The following RIMS2 variants were observed in gnomAD, a reference collection of about 807,000 sequenced individuals.
RIMS2 encodes the protein regulating synaptic membrane exocytosis 2, also known as regulating synaptic membrane exocytosis protein 2.
In RIMS2, 59 loss-of-function variants were observed where a neutral mutation model predicts 174.4. The observed-to-expected ratio is 0.34, with a 90% CI of 0.27 to 0.42. The LOEUF (loss-of-function observed/expected upper bound fraction) is 0.42, where lower values mean the gene tolerates loss of function less well. Among genes scored for constraint, RIMS2 ranks in the 10% least tolerant of loss-of-function variants. RIMS2 has a pLI of 1.00. For missense variants in RIMS2, 1,620 were observed against 1,666.3 expected (o/e 0.97, Z 0.48); for synonymous variants, 606 against 572.5 (o/e 1.06, Z -0.84).
intron 19 of RIMS2, among the ~76,000 whole-genome samples, chr8:104,039,864 CTAGGGGT>C (rs1469379464): frequency 1.3e-5 from 2 of 151,292 alleles, no homozygotes; most frequent in African/African-American, 4.8e-5. Flanking sequence ...GATTTTTTTT[CTAGGGGT>C]TAATCCTGTT....
At chr8:104,116,544 C>G (rs1353394597) in intron 19 of RIMS2, among the ~76,000 whole-genome samples, 1 of 151,930 alleles carries the variant, frequency 6.6e-6, no homozygotes, top group Non-Finnish European at 1.5e-5. Context: ...TTAATAAAAG[C>G]AACTCTTTAA....
chr8:104,099,339 G>A (rs2097824917), intron 19 of RIMS2, among the ~76,000 whole-genome samples: 1 of 152,132 alleles, frequency 6.6e-6, no homozygotes, highest in Non-Finnish European at 1.5e-5. Context: ...CCTCCACCAA[G>A]TATTACCTGT....
At chr8:103,715,025 T>G (rs560694569) in intron 2 of RIMS2, among the ~76,000 whole-genome samples, 1 of 152,294 alleles carries the variant, frequency 6.6e-6, no homozygotes, top group South Asian at 2.1e-4. Context: ...AATTATGACC[T>G]AAAATAATTA....
intron 1 of RIMS2, among the ~76,000 whole-genome samples, chr8:103,602,757 A>G (rs544265276): frequency 1.3e-5 from 2 of 152,300 alleles, no homozygotes; most frequent in East Asian, 1.9e-4. Context: ...TAGTGCTGCA[A>G]TGACCATACA....
At chr8:104,119,787 C>T (rs1241619644) in intron 19 of RIMS2, among the ~76,000 whole-genome samples, 1 of 152,206 alleles carries the variant, frequency 6.6e-6, no homozygotes, top group East Asian at 1.9e-4. Context: ...CATATTGCTG[C>T]AGTCTCACTC....
intron 15 of RIMS2, among the ~76,000 whole-genome samples, chr8:103,963,245 C>T (rs750098565): frequency 7.2e-5 from 11 of 151,988 alleles, no homozygotes; most frequent in Non-Finnish European, 2.9e-5. Context: ...GCAATGTATA[C>T]ATATACAAAA....
At chr8:103,504,296 A>G (rs1174286406) in intron 1 of RIMS2, among the ~76,000 whole-genome samples, 1 of 152,110 alleles carries the variant, frequency 6.6e-6, no homozygotes, top group East Asian at 1.9e-4. Flanking sequence ...GTTTTGCAGC[A>G]TCCTTAACAC....
intron 17 of RIMS2, among the ~76,000 whole-genome samples, chr8:103,994,090 C>T (rs1318652070): frequency 2.0e-5 from 3 of 150,074 alleles, no homozygotes; most frequent in Non-Finnish European, 4.4e-5. Context: ...AATGTTTTTG[C>T]ATTAAGTAAG....
At chr8:103,920,948 G>C (rs2077522246) in intron 9 of RIMS2, 1 of 302,502 alleles carries the variant, frequency 3.3e-6, no homozygotes, top group Non-Finnish European at 6.4e-6. Context: ...GCAGTGAGCC[G>C]AGATCACGCC....
At chr8:103,910,951 G>A (rs1565258371) in intron 5 of RIMS2, among the ~76,000 whole-genome samples, 1 of 152,114 alleles carries the variant, frequency 6.6e-6, no homozygotes, top group South Asian at 2.1e-4. Flanking sequence ...GGAGATAATT[G>A]GGTCTGTTTG....
chr8:103,529,900 G>C (rs1219774354), intron 1 of RIMS2, among the ~76,000 whole-genome samples: 2 of 152,074 alleles, frequency 1.3e-5, no homozygotes, highest in Non-Finnish European at 2.9e-5. Flanking sequence ...TCTGTGGTTG[G>C]TTGAATCTGT....
At chr8:103,595,665 T>A (rs2094453963) in intron 1 of RIMS2, among the ~76,000 whole-genome samples, 1 of 151,894 alleles carries the variant, frequency 6.6e-6, no homozygotes, top group African/African-American at 2.4e-5. Context: ...TAAGAAGATA[T>A]AATTTTCTGT....
At chr8:104,135,812 AG>A (rs1369444448) in intron 19 of RIMS2, among the ~76,000 whole-genome samples, 1 of 152,034 alleles carries the variant, frequency 6.6e-6, no homozygotes, top group Admixed American at 6.6e-5. Context: ...ATGAAGAGGA[AG>A]GGGCTGATAC....
intron 19 of RIMS2, among the ~76,000 whole-genome samples, chr8:104,150,256 G>C (rs1421384956): frequency 2.6e-5 from 4 of 152,074 alleles, no homozygotes; most frequent in Non-Finnish European, 4.4e-5. Flanking sequence ...AAGACTACAA[G>C]TTAGAAAATA....
chr8:103,796,808 G>A (rs1657953384), intron 3 of RIMS2, among the ~76,000 whole-genome samples: 1 of 152,204 alleles, frequency 6.6e-6, no homozygotes, highest in Admixed American at 6.6e-5. Context: ...TGTTGGATAA[G>A]AGTGTAGCTT....
At chr8:104,230,162 C>T (rs976136210) in intron 19 of RIMS2, among the ~76,000 whole-genome samples, 1 of 151,592 alleles carries the variant, frequency 6.6e-6, no homozygotes, top group African/African-American at 2.4e-5. Context: ...GCATGTAATC[C>T]CAGCTACTCA....
chr8:103,935,764 T>C (rs937029557), intron 12 of RIMS2, among the ~76,000 whole-genome samples: 4 of 152,230 alleles, frequency 2.6e-5, no homozygotes, highest in Non-Finnish European at 5.9e-5. Context: ...CCTTTCATGG[T>C]CAGGAAGAAA....
At chr8:104,234,043 T>C (rs1389605488) in intron 19 of RIMS2, among the ~76,000 whole-genome samples, 1 of 152,192 alleles carries the variant, frequency 6.6e-6, no homozygotes, top group African/African-American at 2.4e-5. Context: ...AGATTTATGA[T>C]AATTTCATAT....
intron 1 of RIMS2, chr8:103,652,626 G>C: frequency 5.9e-6 from 8 of 1,344,756 alleles, no homozygotes; most frequent in Non-Finnish European, 7.9e-6. Flanking sequence ...TTAAACAGGT[G>C]GTTTCCCTTT....
Sources: allele counts gnomAD v4.1 joint callset (sites outside exome capture counted in the v4.1 genomes callset), GRCh38; gene constraint gnomAD v4.1.1; transcripts MANE v1.5; gene names NCBI Gene and HGNC (gene_info 2026-07-23, HGNC 2026-07-21).